The following GALNT10 variants were observed in gnomAD, a reference collection of about 807,000 sequenced individuals.
GALNT10 encodes the protein polypeptide N-acetylgalactosaminyltransferase 10.
A neutral mutation model predicts 75.0 loss-of-function variants in GALNT10; 41 were observed. The observed-to-expected ratio is 0.55, with a 90% CI of 0.43 to 0.71. GALNT10 has a LOEUF of 0.71. GALNT10 is among the 30% of genes least tolerant of loss of function. The probability of loss-of-function intolerance (pLI) is 0.00; values close to 1 mark genes in which losing one functional copy is unlikely to be tolerated. For missense variants in GALNT10, 727 were observed against 818.5 expected (o/e 0.89, Z 1.36); for synonymous variants, 302 against 313.0 (o/e 0.96, Z 0.37).
intron 9 of GALNT10, among the ~76,000 whole-genome samples, chr5:154,411,021 C>T (rs868844215): frequency 3.3e-5 from 5 of 152,168 alleles, no homozygotes; most frequent in Admixed American, 6.5e-5. Flanking sequence ...TGCAAGCAGA[C>T]GAGCATGCCA....
intron 6 of GALNT10, among the ~76,000 whole-genome samples, chr5:154,383,095 G>A (rs1454983241): frequency 6.6e-6 from 1 of 152,182 alleles, no homozygotes; most frequent in Non-Finnish European, 1.5e-5. Context: ...TGTGGCCATG[G>A]TTGGCAGTCA....
intron 1 of GALNT10, among the ~76,000 whole-genome samples, chr5:154,274,047 A>C (rs1753912106): frequency 6.6e-6 from 1 of 152,234 alleles, no homozygotes; most frequent in Admixed American, 6.5e-5. Flanking sequence ...TTAGCAAAGA[A>C]AGCTAGGGCA....
intron 1 of GALNT10, among the ~76,000 whole-genome samples, chr5:154,292,501 A>T (rs1331051999): frequency 2.6e-5 from 4 of 151,358 alleles, no homozygotes; most frequent in Non-Finnish European, 4.4e-5. Context: ...GCAGCAGAAG[A>T]GGAAAAAGAG....
chr5:154,300,593 G>C (rs1310921806), intron 3 of GALNT10, among the ~76,000 whole-genome samples: 1 of 152,154 alleles, frequency 6.6e-6, no homozygotes, highest in Non-Finnish European at 1.5e-5. Flanking sequence ...TGTGGTCACA[G>C]CTTTCTTCCA....
chr5:154,259,554 G>A (rs998635921), intron 1 of GALNT10, among the ~76,000 whole-genome samples: 2 of 152,184 alleles, frequency 1.3e-5, no homozygotes, highest in Non-Finnish European at 2.9e-5. Context: ...TTATGTGAAA[G>A]TGTAGCAAAG....
chr5:154,249,795 A>G (rs147242456), intron 1 of GALNT10, among the ~76,000 whole-genome samples: 179 of 152,324 alleles, frequency 1.2e-3, no homozygotes, highest in African/African-American at 4.1e-3. Flanking sequence ...GCAGAAGCCT[A>G]TGGTCTGAGT....
Position 154,298,543 on chromosome 5 carries a change from C to T in GALNT10, c.401+464C>T, listed in dbSNP as rs1050028923. Among the ~76,000 whole-genome samples the T allele has an allele frequency of 7.2e-5, 11 of 152,164 alleles. No homozygotes were observed. Among genetic ancestry groups the T allele is most frequent in the African/African-American group, 2.4e-4 (10 of 41,436 alleles). ...CAATGGCATCTAACATTCTTTGAAC[C>T]GGTACTATGTGCCAAACGCTTTATT... On this transcript the variant is annotated intron_variant, in intron 3 of 11. Transcript: ENST00000297107. This position sits in a 1 kb window ranked among gnomAD's most constrained non-coding sequence, Gnocchi z 4.1.
chr5:154,416,982 TC>T lies in GALNT10; in HGVS notation c.*14del, dbSNP rs755987653. 1.9e-6 allele frequency: 3 copies of T among 1,613,712 alleles called. No individual in the cohort carries two copies. Among genetic ancestry groups the T allele is most frequent in the South Asian group, 2.2e-5 (2 of 91,050 alleles). On this transcript the variant is annotated 3_prime_UTR_variant, in exon 12 of 12. Coordinates refer to ENST00000297107, the MANE Select transcript of GALNT10 (RefSeq NM_198321.4). This position sits in a 1 kb window ranked among gnomAD's most constrained non-coding sequence, Gnocchi z 4.5. Reference sequence around the variant, plus strand: ...ATTCAATAGGAACTGAGCCCTCATGTCCCCTTGGCAGGCCCCCCAGGGTCTG... The same window carrying T: ...ATTCAATAGGAACTGAGCCCTCATGTCCCTTGGCAGGCCCCCCAGGGTCTG...
chr5:154,303,151 T>G (rs1277679089), intron 3 of GALNT10, among the ~76,000 whole-genome samples: 16 of 151,564 alleles, frequency 1.1e-4, no homozygotes, highest in Non-Finnish European at 1.2e-4. Context: ...GAAACACTGG[T>G]TTTTAAGACA....
intron 7 of GALNT10, 197 bp downstream of exon 7, chr5:154,386,627 G>T: frequency 1.6e-6 from 1 of 620,556 alleles, no homozygotes; most frequent in East Asian, 2.8e-5. Context: ...GAGGGAAGGG[G>T]AGTACTCTCC....
intron 5 of GALNT10, among the ~76,000 whole-genome samples, chr5:154,379,548 C>T (rs964683695): frequency 6.6e-6 from 1 of 152,206 alleles, no homozygotes; most frequent in Non-Finnish European, 1.5e-5. Context: ...CACTTGTCTC[C>T]CACAGCAGAT....
At chr5:154,397,126 CAA>C (rs58303911) in intron 7 of GALNT10, among the ~76,000 whole-genome samples, 36,350 of 125,998 alleles carry the variant, frequency 0.29, 4,913 homozygotes, top group East Asian at 0.51. Context: ...GACTCCGTCT[CAA>C]AAAAAAAAAA....
At chr5:154,242,398 G>T (rs757194692) in intron 1 of GALNT10, among the ~76,000 whole-genome samples, 2 of 152,148 alleles carry the variant, frequency 1.3e-5, no homozygotes, top group Non-Finnish European at 2.9e-5. Flanking sequence ...TTTGAGAATT[G>T]CTGGTCTGAG....
intron 4 of GALNT10, among the ~76,000 whole-genome samples, chr5:154,336,271 A>G (rs1754944038): frequency 6.6e-6 from 1 of 152,204 alleles, no homozygotes; most frequent in South Asian, 2.1e-4. Context: ...GTTTTGGCAA[A>G]TATTAGTAAA....
intron 1 of GALNT10, among the ~76,000 whole-genome samples, chr5:154,197,005 C>G (rs1216509084): frequency 6.6e-6 from 1 of 151,962 alleles, no homozygotes; most frequent in East Asian, 2.0e-4. Context: ...AGAGAAAACC[C>G]CTTTGCCACC....
intron 3 of GALNT10, among the ~76,000 whole-genome samples, chr5:154,309,517 G>A (rs975203857): frequency 6.6e-6 from 1 of 152,204 alleles, no homozygotes; most frequent in Admixed American, 6.5e-5. Context: ...TAACAGCAAG[G>A]CAGGGGAGCG....
At chr5:154,313,525 A>G (rs1401979281) in intron 3 of GALNT10, among the ~76,000 whole-genome samples, 1 of 152,186 alleles carries the variant, frequency 6.6e-6, no homozygotes, top group African/African-American at 2.4e-5. Context: ...TATGAATAAT[A>G]AGAATAAACC....
At chr5:154,249,400 A>T (rs187362638) in intron 1 of GALNT10, among the ~76,000 whole-genome samples, 176 of 152,298 alleles carry the variant, frequency 1.2e-3, no homozygotes, top group Admixed American at 2.4e-3. Context: ...ACACACCAAT[A>T]TTAATACCAG....
intron 4 of GALNT10, among the ~76,000 whole-genome samples, chr5:154,373,799 C>T (rs904087975): frequency 2.6e-5 from 4 of 152,132 alleles, no homozygotes; most frequent in Non-Finnish European, 1.5e-5. Flanking sequence ...AATAATTGCT[C>T]TGACTTTACC....
Sources: gnomAD v4.1 joint callset for allele counts (sites outside exome capture counted in the v4.1 genomes callset) on GRCh38, gnomAD v4.1.1 for gene constraint, Gnocchi (gnomAD v3.1) non-coding constraint, MANE v1.5 for transcripts, NCBI Gene and HGNC (gene_info 2026-07-23, HGNC 2026-07-21) for gene names.